The following ZAP70 variants were observed in gnomAD, a reference collection of about 807,000 sequenced individuals.
The protein encoded by ZAP70 is tyrosine-protein kinase ZAP-70.
Under a neutral mutation model 65.8 loss-of-function variants are expected in ZAP70, and 27 were observed. That is an observed-to-expected ratio of 0.41 (90% confidence interval 0.30 to 0.57). ZAP70 has a LOEUF of 0.57. ZAP70 is among the 20% of genes least tolerant of loss of function. The pLI is 0.28. For synonymous variants in ZAP70, 363 were observed against 360.8 expected (o/e 1.01, Z -0.07); for missense variants, 696 against 870.5 (o/e 0.80, Z 2.52).
At chr2:97,723,987 C>A in intron 2 of ZAP70, 29 bp from the exon 3 acceptor site, 1 of 1,534,640 alleles carries the variant, frequency 6.5e-7, no homozygotes, top group Non-Finnish European at 8.7e-7. Flanking sequence ...AAGGCCCTGA[C>A]GTGCCTCCGA....
rs1278827307 is a variant in ZAP70 at position 97,713,913 on chromosome 2, C to T, written c.-100-3C>T. ...GCTTTGTAAGCCCCGATTCCTCACC[C>T]AGAACCGGCTCTCCATTGGCATTGG... On this transcript the variant is annotated splice_polypyrimidine_tract_variant and splice_region_variant and intron_variant, in intron 1 of 13. Coordinates refer to ENST00000264972, the MANE Select transcript of ZAP70 (RefSeq NM_001079.4). The T allele has an allele frequency of 6.6e-6, 1 of 152,458 alleles. No homozygotes were observed. The highest frequency in any genetic ancestry group is 1.5e-5 in the Non-Finnish European group (1 of 68,230). The allele number at this position is 152,458 out of a possible 1,614,324, so 9.4% of individuals were successfully genotyped here.
rs56096305 is a variant in ZAP70, at chr2:97,733,602, G to A, written c.889+7G>A. On this transcript the variant is annotated splice_region_variant and intron_variant, in intron 8 of 13. Transcript: ENST00000264972. ...GGATACACCCCTGAGCCAGGTGAGC[G>A]GGCAGAGGTGGGGACGCGGGTTGGG... is the stretch of plus-strand genomic sequence containing the variant. The A allele has an allele frequency of 1.0e-4, 161 of 1,613,534 alleles. No homozygotes were observed. Among genetic ancestry groups the A allele is most frequent in the East Asian group, 2.7e-4 (12 of 44,876 alleles).
rs199904922 is a variant in ZAP70 at position 97,724,021 on chromosome 2, G to A, written c.-16G>A. 3 of 1,545,236 alleles carry A rather than the reference G, an allele frequency of 1.9e-6. No homozygotes were observed. Among genetic ancestry groups the A allele is most frequent in the Admixed American group, 3.8e-5 (2 of 52,338 alleles). On this transcript the variant is annotated 5_prime_UTR_variant, in exon 3 of 14. Coordinates refer to ENST00000264972, the MANE Select transcript of ZAP70 (RefSeq NM_001079.4). Reference sequence around the variant, plus strand: ...GACCCTCTGTGAACCCGCAGGTTTCGGGAGGCCCAGGGGCGATGCCAGACC... The same window carrying A: ...GACCCTCTGTGAACCCGCAGGTTTCAGGAGGCCCAGGGGCGATGCCAGACC...
At chr2:97,746,727 G>A in the ZAP70 span, among the ~76,000 whole-genome samples, 1 of 152,212 alleles carries the variant, frequency 6.6e-6, no homozygotes, top group African/African-American at 2.4e-5. Flanking sequence ...CAATGGAGAA[G>A]GTGGACTTCA....
the ZAP70 span, among the ~76,000 whole-genome samples, chr2:97,745,331 G>C: frequency 0.038 from 5,764 of 152,288 alleles, 346 homozygotes; most frequent in African/African-American, 0.13. Context: ...GAGCCACTGT[G>C]CCTGGCCAAA....
Position 97,738,039 on chromosome 2 carries a change from G to T in ZAP70, c.1668G>T (p.Lys556Asn), listed in dbSNP as rs1220417043. The stretch of plus-strand genomic sequence containing the variant: ...TCATGGCCTTCATCGAGCAGGGCAA[G>T]CGGATGGAGTGCCCACCAGAGTGTC... ...PEVMAFIEQGKRMECPPECPP... is the reference protein window; with the variant it reads ...PEVMAFIEQGNRMECPPECPP... Residue 556 changes from lysine to asparagine, a missense_variant, in exon 13 of 14, where the codon AAG becomes AAT. Transcript: ENST00000264972. The T allele has an allele frequency of 1.2e-6, 2 of 1,613,148 alleles. No individual in the cohort carries two copies. Among genetic ancestry groups the T allele is most frequent in the African/African-American group, 2.7e-5 (2 of 75,002 alleles).
In ZAP70 at chr2:97,720,963, T is replaced by TTTACCCCTTG. The variant is rs368124138; in HGVS notation, c.-21-3052_-21-3043dup. ...AGGGAGCTTTCACAAAAGCATTCAT[T>TTTACCCCTTG]TTACCCCTTGGTTGCATTTGCATAA... is the stretch of plus-strand genomic sequence containing the variant. On this transcript the variant is annotated intron_variant, in intron 2 of 13. Transcript: ENST00000264972. Among the ~76,000 whole-genome samples the TTTACCCCTTG allele has an allele frequency of 2.7e-3, 417 of 152,250 alleles. 8 individuals are homozygous for TTTACCCCTTG. In the East Asian group the frequency reaches 0.035, roughly 13 times the overall value.
rs937777221 is a variant in ZAP70 at position 97,737,246 on chromosome 2, G to A, written c.1290-227G>A. 6.6e-6 allele frequency among the ~76,000 whole-genome samples: 1 copy of A among 152,122 alleles called. No individual in the cohort carries two copies. The highest frequency in any genetic ancestry group is 2.4e-5 in the African/African-American group (1 of 41,406). On this transcript the variant is annotated intron_variant, in intron 10 of 13. Transcript: ENST00000264972. The surrounding 1 kb of genome is among the most constrained non-coding windows in gnomAD (Gnocchi z 5.0). ...TAGGTCTAGACTTGGGAGTCGTAGC[G>A]TGTGGGTGATCCCTAAAGCCTTGAG...
downstream of ZAP70, among the ~76,000 whole-genome samples, chr2:97,740,761 T>C (rs1169156340): frequency 6.6e-6 from 1 of 152,156 alleles, no homozygotes; most frequent in Non-Finnish European, 1.5e-5. Context: ...CCTCTGCACG[T>C]CTCCTTTTCC....
intron 3 of ZAP70, 32 bp downstream of exon 3, chr2:97,724,470 AG>A: frequency 6.6e-7 from 1 of 1,517,316 alleles, no homozygotes. Flanking sequence ...CGGGGTCTGG[AG>A]GGGCGTGGCC....
At chr2:97,741,232 C>A (rs1678118807), downstream of ZAP70, among the ~76,000 whole-genome samples, 1 of 152,234 alleles carries the variant, frequency 6.6e-6, no homozygotes, top group Non-Finnish European at 1.5e-5. Flanking sequence ...TCCCTCCCAA[C>A]ACTCAGCTTT....
At chr2:97,744,452 T>C (rs1477246558), downstream of ZAP70, among the ~76,000 whole-genome samples, 1 of 152,206 alleles carries the variant, frequency 6.6e-6, no homozygotes, top group African/African-American at 2.4e-5. Flanking sequence ...GTCTTCTCAT[T>C]TGTCACATGG....
intron 13 of ZAP70, among the ~76,000 whole-genome samples, chr2:97,738,732 C>T (rs999543792): frequency 6.6e-6 from 1 of 152,058 alleles, no homozygotes; most frequent in Non-Finnish European, 1.5e-5. Flanking sequence ...CATGCTGACA[C>T]CCCAACACCC....
chr2:97,722,487 T>C (rs1242328359), intron 2 of ZAP70, among the ~76,000 whole-genome samples: 1 of 152,246 alleles, frequency 6.6e-6, no homozygotes, highest in Non-Finnish European at 1.5e-5. Flanking sequence ...GCAAGAATGC[T>C]GTATGTGCCT....
the ZAP70 span, among the ~76,000 whole-genome samples, chr2:97,753,808 T>C: frequency 6.6e-6 from 1 of 151,548 alleles, no homozygotes; most frequent in Non-Finnish European, 1.5e-5. Flanking sequence ...CTCATCCCTA[T>C]AAAAAACAAA....
intron 13 of ZAP70, among the ~76,000 whole-genome samples, chr2:97,738,988 T>C (rs1252208564): frequency 6.6e-6 from 1 of 152,060 alleles, no homozygotes; most frequent in Non-Finnish European, 1.5e-5. Context: ...CTCCCTCTCA[T>C]CTAAGCCCCA....
In ZAP70 at chr2:97,739,778, T is replaced by C. The variant is rs200992130; in HGVS notation, c.*280T>C. On this transcript the variant is annotated 3_prime_UTR_variant, in exon 14 of 14. Coordinates refer to ENST00000264972, the MANE Select transcript of ZAP70 (RefSeq NM_001079.4). Reference sequence around the variant, plus strand: ...TGAGGGCATTGCTTACACGGATGCCTTCCCCTGGGCCCTGACATTGGAGCC... The same window carrying C: ...TGAGGGCATTGCTTACACGGATGCCCTCCCCTGGGCCCTGACATTGGAGCC... 6.2e-5 allele frequency: 30 copies of C among 487,796 alleles called. No homozygotes were observed. The highest frequency in any genetic ancestry group is 5.6e-4 in the African/African-American group (29 of 51,720). 30.2% of individuals were successfully genotyped at this position (487,796 alleles called of 1,614,324 possible).
At chr2:97,747,815 GTTTTTTTTTT>G in the ZAP70 span, among the ~76,000 whole-genome samples, 2 of 54,746 alleles carry the variant, frequency 3.7e-5, no homozygotes, top group Non-Finnish European at 6.5e-5. Flanking sequence ...CTGGCACGAG[GTTTTTTTTTT>G]TTTTTTTTTT....
rs773211731 is a variant in ZAP70 at position 97,733,610 on chromosome 2, G to T, written c.889+15G>T. On this transcript the variant is annotated intron_variant, in intron 8 of 13. Coordinates refer to ENST00000264972, the MANE Select transcript of ZAP70 (RefSeq NM_001079.4). ...CCCTGAGCCAGGTGAGCGGGCAGAG[G>T]TGGGGACGCGGGTTGGGGCTCATGC... is the stretch of plus-strand genomic sequence containing the variant. 1.2e-6 allele frequency: 2 copies of T among 1,613,490 alleles called. No individual in the cohort carries two copies. The highest frequency in any genetic ancestry group is 2.7e-5 in the African/African-American group (2 of 75,010).
Sources: allele counts gnomAD v4.1 joint callset (sites outside exome capture counted in the v4.1 genomes callset), GRCh38; gene constraint gnomAD v4.1.1; non-coding constraint Gnocchi (gnomAD v3.1); transcripts MANE v1.5; gene names NCBI Gene and HGNC (gene_info 2026-07-23, HGNC 2026-07-21).